CACNB2: variants seen among roughly 807,000 people sequenced by gnomAD.
The protein encoded by CACNB2 is calcium voltage-gated channel auxiliary subunit beta 2.
In CACNB2, 42 loss-of-function variants were observed where a neutral mutation model predicts 73.3. The ratio of observed to expected loss-of-function variants is 0.57; its 90% CI spans 0.45 to 0.74. The LOEUF is 0.74. CACNB2 is among the 30% of genes least tolerant of loss of function. CACNB2 has a pLI of 0.00. For missense variants in CACNB2, 940 were observed against 853.0 expected (o/e 1.10, Z -1.27); for synonymous variants, 348 against 310.3 (o/e 1.12, Z -1.28).
At chr10:18,389,590 T>C (rs575408638) in intron 2 of CACNB2, among the ~76,000 whole-genome samples, 4 of 152,372 alleles carry the variant, frequency 2.6e-5, no homozygotes, top group Non-Finnish European at 5.9e-5. Context: ...CAAGGTTATC[T>C]AATAGTCTAC....
chr10:18,530,149 T>C (rs2052854938), intron 10 of CACNB2, among the ~76,000 whole-genome samples: 1 of 152,072 alleles, frequency 6.6e-6, no homozygotes. Context: ...ACATGGGAAT[T>C]ATGGGAGCTA....
intron 1 of CACNB2, among the ~76,000 whole-genome samples, chr10:18,146,820 G>C (rs574437250): frequency 6.6e-6 from 1 of 152,054 alleles, no homozygotes; most frequent in Admixed American, 6.6e-5. Flanking sequence ...ACAGGGTTTC[G>C]CCATGTTGGC....
intron 6 of CACNB2, chr10:18,513,606 A>C (rs2050987287): frequency 3.1e-6 from 1 of 325,882 alleles, no homozygotes; most frequent in African/African-American, 2.2e-5. Context: ...CCCATTTTGA[A>C]CTCGAATAAG....
At chr10:18,341,802 A>G (rs1197212543) in intron 2 of CACNB2, among the ~76,000 whole-genome samples, 1 of 152,190 alleles carries the variant, frequency 6.6e-6, no homozygotes, top group Non-Finnish European at 1.5e-5. Flanking sequence ...TTGCTAGGAA[A>G]TATCTTTGTG....
At chr10:18,537,275 A>G (rs1337312379) in intron 12 of CACNB2, among the ~76,000 whole-genome samples, 1 of 152,012 alleles carries the variant, frequency 6.6e-6, no homozygotes, top group Non-Finnish European at 1.5e-5. Flanking sequence ...GGCATGAGCC[A>G]CTGCACCAGG....
chr10:18,538,129 G>A (rs781630044), intron 12 of CACNB2, 51 bp from the exon 13 acceptor site: 23 of 1,575,538 alleles, frequency 1.5e-5, no homozygotes, highest in Non-Finnish European at 1.9e-5. Flanking sequence ...GGTGGGAAGG[G>A]GGTGAAAACT....
At chr10:18,452,795 G>C (rs907385541) in intron 3 of CACNB2, among the ~76,000 whole-genome samples, 3 of 152,210 alleles carry the variant, frequency 2.0e-5, no homozygotes, top group African/African-American at 7.2e-5. Flanking sequence ...CCTACCAGCA[G>C]CACCCTGGCT....
chr10:18,150,999 T>A, intron 2 of CACNB2, 24 bp downstream of exon 2: 1 of 1,370,650 alleles, frequency 7.3e-7, no homozygotes, highest in Middle Eastern at 1.8e-4. Flanking sequence ...GTTCATGGTT[T>A]TGATAAGTAC....
intron 6 of CACNB2, among the ~76,000 whole-genome samples, 197 bp from the exon 7 acceptor site, chr10:18,514,039 A>T (rs1417755446): frequency 2.0e-5 from 3 of 152,230 alleles, no homozygotes; most frequent in Non-Finnish European, 4.4e-5. Flanking sequence ...TTATAAGTGT[A>T]TCTTTCAGTT....
intron 3 of CACNB2, among the ~76,000 whole-genome samples, chr10:18,484,260 G>T (rs1304870384): frequency 6.6e-6 from 1 of 152,084 alleles, no homozygotes; most frequent in Non-Finnish European, 1.5e-5. Flanking sequence ...CGGGCGTGGT[G>T]GCGGGCGCCT....
At chr10:18,497,448 C>A (rs2049905566) in intron 3 of CACNB2, among the ~76,000 whole-genome samples, 1 of 152,124 alleles carries the variant, frequency 6.6e-6, no homozygotes, top group South Asian at 2.1e-4. Flanking sequence ...GAGACAGGGA[C>A]TGACTTTGTC....
intron 5 of CACNB2, among the ~76,000 whole-genome samples, chr10:18,504,893 C>G (rs913888033): frequency 1.3e-5 from 2 of 152,234 alleles, no homozygotes; most frequent in African/African-American, 2.4e-5. Flanking sequence ...GATCCACCCA[C>G]CTTGGCCTAC....
rs2031494645 is a variant in CACNB2 at position 18,150,885 on chromosome 10, A to ATTTTTTTTTTTTTTTTTT, written c.124_125insTTTTTTTTTTTTTTTTTT (p.Ser41_Tyr42insPhePhePhePhePhePhe). ...TTTTTTTTTTTTTTTTTTTTTAGTC[A>ATTTTTTTTTTTTTTTTTT]TATGGAAAAGGAGCCAGAAGGAAAA... On this transcript the variant is annotated inframe_insertion, in exon 2 of 14. Coordinates refer to ENST00000324631, the MANE Select transcript of CACNB2 (RefSeq NM_201596.3). 1 of 592,028 alleles carries ATTTTTTTTTTTTTTTTTT rather than the reference A, an allele frequency of 1.7e-6. No homozygotes were observed. The highest frequency in any genetic ancestry group is 4.4e-5 in the African/African-American group (1 of 22,734). The allele number at this position is 592,028 out of a possible 1,614,324, so 36.7% of individuals were successfully genotyped here.
intron 2 of CACNB2, among the ~76,000 whole-genome samples, chr10:18,220,001 A>G (rs2035667464): frequency 6.9e-6 from 1 of 144,150 alleles, no homozygotes; most frequent in African/African-American, 2.6e-5. Flanking sequence ...TCCTGACCTC[A>G]ACTGATCTGC....
At chr10:18,391,279 A>G (rs888817259) in intron 2 of CACNB2, among the ~76,000 whole-genome samples, 4 of 152,240 alleles carry the variant, frequency 2.6e-5, no homozygotes, top group Non-Finnish European at 5.9e-5. Context: ...TCCGTTCATC[A>G]TGGAAAGTCA....
intron 2 of CACNB2, among the ~76,000 whole-genome samples, chr10:18,167,606 C>T (rs1321668854): frequency 6.6e-6 from 1 of 152,048 alleles, no homozygotes; most frequent in African/African-American, 2.4e-5. Flanking sequence ...GAAAAATTGT[C>T]TTTATTTTAT....
chr10:18,291,377 G>C (rs1276924267), intron 2 of CACNB2, among the ~76,000 whole-genome samples: 2 of 152,200 alleles, frequency 1.3e-5, no homozygotes, highest in African/African-American at 4.8e-5. Flanking sequence ...ACAGCCGAGA[G>C]AGGAACACCT....
intron 3 of CACNB2, among the ~76,000 whole-genome samples, chr10:18,497,218 A>G (rs2049888961): frequency 6.6e-6 from 1 of 151,480 alleles, no homozygotes; most frequent in South Asian, 2.1e-4. Flanking sequence ...TAAAAAAAAA[A>G]AAAAAAGAAA....
chr10:18,169,728 C>G (rs940697095), intron 2 of CACNB2, among the ~76,000 whole-genome samples: 2 of 152,166 alleles, frequency 1.3e-5, no homozygotes, highest in Non-Finnish European at 2.9e-5. Context: ...GTTACAGAAC[C>G]AATCTTCCCA....
Sources: gnomAD v4.1 joint callset for allele counts (sites outside exome capture counted in the v4.1 genomes callset) on GRCh38, gnomAD v4.1.1 for gene constraint, MANE v1.5 for transcripts, NCBI Gene and HGNC (gene_info 2026-07-23, HGNC 2026-07-21) for gene names.